ZNF2: variants seen among roughly 807,000 people sequenced by gnomAD.
The protein encoded by ZNF2 is zinc finger protein 2.2.
In ZNF2, 12 loss-of-function variants were observed where a neutral mutation model predicts 21.9. The observed-to-expected ratio is 0.55, with a 90% CI of 0.35 to 0.89. The LOEUF is 0.89. ZNF2 is among the 40% of genes least tolerant of loss of function. ZNF2 has a pLI of 0.01. For synonymous variants in ZNF2, 186 were observed against 196.3 expected, an observed-to-expected ratio of 0.95 and a Z score of 0.44; for missense variants, 462 against 544.2, an observed-to-expected ratio of 0.85 and a Z score of 1.50.
intron 2 of ZNF2, among the ~76,000 whole-genome samples, chr2:95,177,106 G>A (rs1213654704): frequency 1.3e-5 from 2 of 152,214 alleles, no homozygotes; most frequent in African/African-American, 4.8e-5. Flanking sequence ...AGTTAGTCAA[G>A]AGGCCTAACA....
At chr2:95,175,923 C>A (rs1674424263) in intron 1 of ZNF2, among the ~76,000 whole-genome samples, 2 of 152,154 alleles carry the variant, frequency 1.3e-5, no homozygotes, top group South Asian at 4.1e-4. Flanking sequence ...TTACACAGTT[C>A]TTGACTCTCA....
At chr2:95,177,638 G>C in intron 3 of ZNF2, 29 bp downstream of exon 3, 1 of 1,610,520 alleles carries the variant, frequency 6.2e-7, no homozygotes. Context: ...AGGAGGTACA[G>C]TCTGTACTAT....
chr2:95,181,887 C>T lies in ZNF2; in HGVS notation c.1059C>T (p.Arg353=). 1 of 1,613,908 alleles carries T rather than the reference C, an allele frequency of 6.2e-7. No homozygotes were observed. Among genetic ancestry groups the T allele is most frequent in the Non-Finnish European group, 8.5e-7 (1 of 1,179,968 alleles). Residue 353 remains arginine (R), a synonymous_variant, in exon 5 of 5, where the codon CGC becomes CGT. Coordinates refer to ENST00000614034, the MANE Select transcript of ZNF2 (RefSeq NM_021088.4). ...CNECGKAFFD[R]SSLTQHQKIH... Reference sequence around the variant, plus strand: ...AGTGTGGCAAAGCTTTCTTTGACCGCTCATCCCTTACACAGCATCAGAAGA... The same window carrying T: ...AGTGTGGCAAAGCTTTCTTTGACCGTTCATCCCTTACACAGCATCAGAAGA...
chr2:95,179,731 C>G (rs1674571874), intron 3 of ZNF2, among the ~76,000 whole-genome samples: 1 of 152,138 alleles, frequency 6.6e-6, no homozygotes, highest in Admixed American at 6.5e-5. Flanking sequence ...TTGGCTTGTG[C>G]GTTCTGCCTT....
chr2:95,174,329 G>A (rs995080259), intron 1 of ZNF2, among the ~76,000 whole-genome samples: 5 of 152,180 alleles, frequency 3.3e-5, no homozygotes, highest in Admixed American at 6.5e-5. Flanking sequence ...TTTAAAGCAC[G>A]GATGTGATGA....
chr2:95,182,560 A>T lies in ZNF2; in HGVS notation c.*454A>T, dbSNP rs1261654826. On this transcript the variant is annotated 3_prime_UTR_variant, in exon 5 of 5. Coordinates refer to ENST00000614034, the MANE Select transcript of ZNF2 (RefSeq NM_021088.4). ...TGTTCTCTTGTGTCCCAGCTTTTAGACCTCTTACTTCCACTGCTAGTAGCT... is the reference window on the plus strand; with the variant it reads ...TGTTCTCTTGTGTCCCAGCTTTTAGTCCTCTTACTTCCACTGCTAGTAGCT... 1 of 158,498 alleles carries T rather than the reference A, an allele frequency of 6.3e-6. No individual in the cohort carries two copies. Among genetic ancestry groups the T allele is most frequent in the Non-Finnish European group, 1.4e-5 (1 of 71,698 alleles). The allele number at this position is 158,498 out of a possible 1,614,324, so 9.8% of individuals were successfully genotyped here. A position where few individuals can be genotyped will look rare whatever the true frequency, so the allele number is the denominator to read the frequency against.
chr2:95,179,993 G>GCAC (rs1674582236), intron 3 of ZNF2, among the ~76,000 whole-genome samples, 166 bp from the exon 4 acceptor site: 2 of 152,208 alleles, frequency 1.3e-5, no homozygotes, highest in Admixed American at 1.3e-4. Flanking sequence ...GGAGATGGAG[G>GCAC]TTGCAGTGAG....
rs1313855037 is a variant in ZNF2 at position 95,182,195 on chromosome 2, C to T, written c.*89C>T. ...TTAAAGCTGCCATTTGCTCATTCTA[C>T]CCACTCTGGCTGCCGTTGTCCTGTC... On this transcript the variant is annotated 3_prime_UTR_variant, in exon 5 of 5. Coordinates refer to ENST00000614034, the MANE Select transcript of ZNF2 (RefSeq NM_021088.4). 1 of 1,478,564 alleles carries T rather than the reference C, an allele frequency of 6.8e-7. No homozygotes were observed. Among genetic ancestry groups the T allele is most frequent in the East Asian group, 2.3e-5 (1 of 43,840 alleles). The allele number at this position is 1,478,564 out of a possible 1,614,324, so 91.6% of individuals were successfully genotyped here.
intron 3 of ZNF2, among the ~76,000 whole-genome samples, chr2:95,178,248 C>T (rs1239469513): frequency 6.6e-6 from 1 of 152,138 alleles, no homozygotes; most frequent in Non-Finnish European, 1.5e-5. Flanking sequence ...GAGAACCTTT[C>T]AGGAGCTTCA....
At chr2:95,174,299 G>C (rs1381100164) in intron 1 of ZNF2, among the ~76,000 whole-genome samples, 1 of 152,136 alleles carries the variant, frequency 6.6e-6, no homozygotes, top group Non-Finnish European at 1.5e-5. Context: ...CAAGGCCCTT[G>C]CTATAAGTCA....
At position 95,181,656 on chromosome 2, in the gene ZNF2, G is replaced by C; in HGVS notation, c.828G>C (p.Gln276His). ...ACCGTTCATCCCTTACTCGACACCA[G>C]AGAATTCACACTGGAGAAAGTCCTT... ...FFDRSSLTRH[Q>H]RIHTGESPYE... Residue 276 changes from glutamine (Q) to histidine (H), a missense_variant, in exon 5 of 5, where the codon CAG becomes CAC. Transcript: ENST00000614034. 6.2e-7 allele frequency: 1 copy of C among 1,614,196 alleles called. No homozygotes were observed. The highest frequency in any genetic ancestry group is 8.5e-7 in the Non-Finnish European group (1 of 1,180,034).
Position 95,177,498 on chromosome 2 carries a change from G to C in ZNF2, c.49G>C (p.Glu17Gln). ...GTATTTTCAGGAATCAGTGACATTC[G>C]AAGACGTTGCCGTGGTTTTCACAGA... ...TTRCQESVTF[E>Q]DVAVVFTDEE... Residue 17 changes from glutamate to glutamine, a missense_variant, in exon 3 of 5, where the codon GAA (glutamate) becomes CAA (glutamine). By Grantham distance (29) the Glu-to-Gln change is conservative (BLOSUM62 2). Coordinates refer to ENST00000614034, the MANE Select transcript of ZNF2 (RefSeq NM_021088.4). The C allele has an allele frequency of 6.2e-7, 1 of 1,614,088 alleles. No individual in the cohort carries two copies. The highest frequency in any genetic ancestry group is 1.1e-5 in the South Asian group (1 of 91,070).
At position 95,182,956 on chromosome 2, in the gene ZNF2, T is replaced by C. The variant is rs954205307; in HGVS notation, c.*850T>C. The C allele has an allele frequency of 2.0e-5, 3 of 152,208 alleles. No homozygotes were observed. The highest frequency in any genetic ancestry group is 7.2e-5 in the African/African-American group (3 of 41,452). 9.4% of individuals were successfully genotyped at this position (152,208 alleles called of 1,614,324 possible). A position where few individuals can be genotyped will look rare whatever the true frequency, so the allele number is the denominator to read the frequency against. On this transcript the variant is annotated 3_prime_UTR_variant, in exon 5 of 5. Coordinates refer to ENST00000614034, the MANE Select transcript of ZNF2 (RefSeq NM_021088.4). ...CTTGCTAATAGGTGCTCAATAAATA[T>C]TTATATGAGTGAATGACTTTTCTAC...
intron 1 of ZNF2, among the ~76,000 whole-genome samples, chr2:95,172,638 G>GTT (rs779777588): frequency 5.8e-5 from 8 of 137,212 alleles, no homozygotes; most frequent in Admixed American, 1.5e-4. Context: ...TTTCTTTGTG[G>GTT]TTTTTTTTTT....
chr2:95,173,865 C>T (rs1203791859), intron 1 of ZNF2, among the ~76,000 whole-genome samples: 3 of 152,336 alleles, frequency 2.0e-5, no homozygotes, highest in African/African-American at 4.8e-5. Context: ...CACGCCACCA[C>T]GCCCAGCTAA....
chr2:95,166,769 A>G (rs1573389900), intron 1 of ZNF2, among the ~76,000 whole-genome samples: 1 of 152,324 alleles, frequency 6.6e-6, no homozygotes, highest in African/African-American at 2.4e-5. Flanking sequence ...GACACCTGGG[A>G]GAACAATAAA....
chr2:95,169,497 A>T (rs1195671379), intron 1 of ZNF2, among the ~76,000 whole-genome samples: 2 of 152,168 alleles, frequency 1.3e-5, no homozygotes, highest in African/African-American at 4.8e-5. Flanking sequence ...GCTCATGCCT[A>T]TAATCTCAGC....
At chr2:95,171,499 C>T (rs1338281587) in intron 1 of ZNF2, among the ~76,000 whole-genome samples, 1 of 151,906 alleles carries the variant, frequency 6.6e-6, no homozygotes, top group African/African-American at 2.4e-5. Context: ...TCTCCTGCCT[C>T]AGCCTCCCAA....
chr2:95,182,088 C>G lies in ZNF2; in HGVS notation c.1260C>G (p.Ala420=). 2.5e-5 allele frequency: 40 copies of G among 1,606,698 alleles called. No homozygotes were observed. The highest frequency in any genetic ancestry group is 3.4e-5 in the Non-Finnish European group (40 of 1,174,908). ...TTATTCAACATCAACGGCGTTACGC[C>G]AAACAGGGAATAGACTGAGTTGGGC... ...SSVIQHQRRY[A]KQGID Residue 420 remains alanine (A), a synonymous_variant, in exon 5 of 5, where the codon GCC becomes GCG. Coordinates refer to ENST00000614034, the MANE Select transcript of ZNF2 (RefSeq NM_021088.4).
Sources: allele counts gnomAD v4.1 joint callset (sites outside exome capture counted in the v4.1 genomes callset), GRCh38; gene constraint gnomAD v4.1.1; transcripts MANE v1.5; gene names NCBI Gene and HGNC (gene_info 2026-07-23, HGNC 2026-07-21).